The following TTI2 variants were observed in gnomAD, a reference collection of about 807,000 sequenced individuals.
TTI2 encodes the protein TELO2-interacting protein 2.
A neutral mutation model predicts 44.9 loss-of-function variants in TTI2; 26 were observed. That is an observed-to-expected ratio of 0.58 (90% CI 0.42 to 0.80). The LOEUF is 0.80. TTI2 is among the 30% of genes least tolerant of loss of function. The pLI, the probability that TTI2 is intolerant of heterozygous loss-of-function variation, is 0.00. For synonymous variants in TTI2, 254 were observed against 250.9 expected (o/e 1.01, Z -0.12); for missense variants, 582 against 611.6 (o/e 0.95, Z 0.51).
chr8:33,503,039 G>A (rs1226632550), intron 6 of TTI2, among the ~76,000 whole-genome samples: 2 of 147,678 alleles, frequency 1.4e-5, no homozygotes, highest in Non-Finnish European at 1.5e-5. Flanking sequence ...TGAGGTAGGA[G>A]AATCACTTGA....
At chr8:33,501,427 C>T (rs1174892597) in intron 6 of TTI2, among the ~76,000 whole-genome samples, 1 of 152,152 alleles carries the variant, frequency 6.6e-6, no homozygotes, top group Non-Finnish European at 1.5e-5. Context: ...TTTTCTACCT[C>T]CCTACATTTA....
intron 6 of TTI2, among the ~76,000 whole-genome samples, chr8:33,502,156 C>T (rs1450097486): frequency 6.6e-6 from 1 of 152,040 alleles, no homozygotes; most frequent in African/African-American, 2.4e-5. Context: ...ATTGGCCAGG[C>T]TGGTCTTGAA....
intron 3 of TTI2, among the ~76,000 whole-genome samples, chr8:33,508,940 G>C (rs1363929421): frequency 6.6e-6 from 1 of 151,638 alleles, no homozygotes; most frequent in African/African-American, 2.4e-5. Context: ...TCAGGAGTTC[G>C]AGACGGACGT....
chr8:33,508,617 C>CAAAAAAAAAAAAAAAAAAAAAAAAAAAA (rs55717202), intron 3 of TTI2, among the ~76,000 whole-genome samples: 1 of 63,978 alleles, frequency 1.6e-5, no homozygotes, highest in African/African-American at 6.2e-5. Context: ...GACTCTGCCT[C>CAAAAAAAAAAAAAAAAAAAAAAAAAAAA]AAAAAAAAAA....
chr8:33,507,251 G>A lies in TTI2; in HGVS notation c.905C>T (p.Thr302Ile). The A allele has an allele frequency of 3.7e-6, 6 of 1,614,160 alleles. No homozygotes were observed. Among genetic ancestry groups the A allele is most frequent in the Middle Eastern group, 1.6e-4 (1 of 6,062 alleles). ...LYHAISNHLY[T>I]PEHHLIQAVL... ...TACCTGAATGAGGTGGTGCTCTGGT[G>A]TGTACAGGTGGTTGGAAATGGCATG... The change falls in exon 4 of 8, where the codon ACA becomes ATA. Residue 302 changes from threonine (T) to isoleucine (I), a missense_variant. Thr to Ile is a moderately conservative substitution (Grantham distance 89). Coordinates refer to ENST00000431156, the MANE Select transcript of TTI2 (RefSeq NM_001102401.4).
intron 6 of TTI2, among the ~76,000 whole-genome samples, chr8:33,501,814 A>G (rs188526130): frequency 1.3e-5 from 2 of 152,290 alleles, no homozygotes; most frequent in East Asian, 3.9e-4. Context: ...TTCAATTTTC[A>G]GCTATGCAAG....
At chr8:33,500,660 T>G in intron 6 of TTI2, 170 bp from the exon 7 acceptor site, 1 of 725,388 alleles carries the variant, frequency 1.4e-6, no homozygotes, top group Non-Finnish European at 2.2e-6. Context: ...TCTAGATTTC[T>G]TACCCTCAAG....
chr8:33,513,002 A>C (rs1563357258), intron 1 of TTI2, 80 bp downstream of exon 1: 1 of 161,102 alleles, frequency 6.2e-6, no homozygotes, highest in Non-Finnish European at 1.4e-5. Context: ...GCCTTTCTGA[A>C]GACTAAAAAG....
intron 6 of TTI2, chr8:33,501,067 A>C: frequency 6.5e-6 from 1 of 154,156 alleles, no homozygotes; most frequent in East Asian, 1.9e-4. Flanking sequence ...AGAAATGGAC[A>C]ATGCTAGTGA....
At chr8:33,500,712 T>A (rs1215276760) in intron 6 of TTI2, 2 of 504,116 alleles carry the variant, frequency 4.0e-6, no homozygotes, top group Non-Finnish European at 7.1e-6. Flanking sequence ...ACACACCCTC[T>A]GCCACACTGC....
At chr8:33,511,587 G>A (rs943945250) in intron 2 of TTI2, among the ~76,000 whole-genome samples, 1 of 151,986 alleles carries the variant, frequency 6.6e-6, no homozygotes, top group Non-Finnish European at 1.5e-5. Context: ...GAGGTATAAC[G>A]CTATAAAAAA....
At chr8:33,507,397 A>T in intron 3 of TTI2, 76 bp from the exon 4 acceptor site, 1 of 1,294,134 alleles carries the variant, frequency 7.7e-7, no homozygotes. Flanking sequence ...TTGAAATTGG[A>T]TTATGGGTAT....
Position 33,503,728 on chromosome 8 carries a change from A to G in TTI2, c.1115+20T>C, listed in dbSNP as rs773183112. 5.6e-6 allele frequency: 9 copies of G among 1,612,178 alleles called. No homozygotes were observed. Among genetic ancestry groups the G allele is most frequent in the Non-Finnish European group, 7.6e-6 (9 of 1,179,428 alleles). On this transcript the variant is annotated intron_variant, in intron 5 of 7. Coordinates refer to ENST00000431156, the MANE Select transcript of TTI2 (RefSeq NM_001102401.4). ...TCCTGTCTGTATAAAATAATAATAAATAAAAGCCCAGGGCCTCACCTGTTC... is the reference window on the plus strand; with the variant it reads ...TCCTGTCTGTATAAAATAATAATAAGTAAAAGCCCAGGGCCTCACCTGTTC...
At chr8:33,510,463 GC>G (rs1181527260) in intron 2 of TTI2, among the ~76,000 whole-genome samples, 3 of 152,118 alleles carry the variant, frequency 2.0e-5, no homozygotes, top group Non-Finnish European at 4.4e-5. Flanking sequence ...TGCAACCTCC[GC>G]CTCCCAGGCT....
Position 33,512,203 on chromosome 8 carries a change from A to G in TTI2, c.411T>C (p.Pro137=). 6.2e-7 allele frequency: 1 copy of G among 1,614,220 alleles called. No homozygotes were observed. Among genetic ancestry groups the G allele is most frequent in the Non-Finnish European group, 8.5e-7 (1 of 1,180,052 alleles). The change falls in exon 2 of 8, where the codon CCT becomes CCC. Residue 137 remains proline, a synonymous_variant. Transcript: ENST00000431156. The stretch of plus-strand genomic sequence containing the variant: ...AGTGATGCAGGCCCGTCTGCCATGC[A>G]GGGCCGACCAGGGAATTCTTAGCAG... ...VETAKNSLVG[P]AWQTGLHHLA... is the part of the protein sequence containing the mutation.
chr8:33,512,356 T>C lies in TTI2; in HGVS notation c.258A>G (p.Ala86=), dbSNP rs1312601528. Residue 86 remains alanine, a synonymous_variant, in exon 2 of 8, where the codon GCA becomes GCG. Coordinates refer to ENST00000431156, the MANE Select transcript of TTI2 (RefSeq NM_001102401.4). ...GGGCTGCATACTTCTCCAGGGCTTT[T>C]GCTACCTGCCCCAGTGTCTCCGGCA... ...RGMPETLGQV[A]KALEKYAAPS... 6 of 1,614,126 alleles carry C rather than the reference T, an allele frequency of 3.7e-6. No individual in the cohort carries two copies. In the African/African-American group the frequency reaches 8.0e-5, roughly 22 times the overall value.
chr8:33,509,689 G>T, intron 3 of TTI2, 57 bp downstream of exon 3: 1 of 1,518,508 alleles, frequency 6.6e-7, no homozygotes, highest in Non-Finnish European at 9.1e-7. Context: ...ATGAAGAACA[G>T]CCAGGAATGA....
intron 7 of TTI2, 197 bp downstream of exon 7, chr8:33,500,131 G>C: frequency 1.7e-6 from 1 of 583,416 alleles, no homozygotes; most frequent in Non-Finnish European, 3.0e-6. Flanking sequence ...AGTTCTAAAT[G>C]GTTCTGAATA....
chr8:33,512,120 G>A lies in TTI2; in HGVS notation c.494C>T (p.Thr165Ile). Residue 165 changes from threonine to isoleucine, a missense_variant, in exon 2 of 8, where the codon ACT becomes ATT. Coordinates refer to ENST00000431156, the MANE Select transcript of TTI2 (RefSeq NM_001102401.4). ...ITHSLEQPWTTPRSREVAREV... is the reference protein window; with the variant it reads ...ITHSLEQPWTIPRSREVAREV... ...CCTAGCAACTTCCCGAGATCTCGGA[G>A]TGGTCCATGGTTGCTCCAAGCTGTG... 2 of 1,614,154 alleles carry A rather than the reference G, an allele frequency of 1.2e-6. No individual in the cohort carries two copies. The highest frequency in any genetic ancestry group is 1.7e-6 in the Non-Finnish European group (2 of 1,180,032).
Sources: gnomAD v4.1 joint callset for allele counts (sites outside exome capture counted in the v4.1 genomes callset) on GRCh38, gnomAD v4.1.1 for gene constraint, MANE v1.5 for transcripts, NCBI Gene and HGNC (gene_info 2026-07-23, HGNC 2026-07-21) for gene names.